Variants in MGAT4C observed in about 807,000 individuals in gnomAD.
MGAT4C encodes MGAT4 family member C, also known as alpha-1,3-mannosyl-glycoprotein 4-beta-N-acetylglucosaminyltransferase C.
In MGAT4C, 19 loss-of-function variants were observed where a neutral mutation model predicts 40.1. The ratio of observed to expected loss-of-function variants is 0.47; its 90% CI spans 0.33 to 0.70. The LOEUF is 0.70. Among genes scored for constraint, MGAT4C ranks in the 30% least tolerant of loss-of-function variants. The pLI is 0.02. For synonymous variants in MGAT4C, 181 were observed against 187.1 expected, an observed-to-expected ratio of 0.97 and a Z score of 0.27; for missense variants, 491 against 563.2, an observed-to-expected ratio of 0.87 and a Z score of 1.30.
intron 4 of MGAT4C, among the ~76,000 whole-genome samples, chr12:86,302,331 C>A (rs1427322360): frequency 6.6e-6 from 1 of 150,648 alleles, no homozygotes; most frequent in Non-Finnish European, 1.5e-5. Flanking sequence ...CTCTATTGTA[C>A]AAGAATCCAT....
intron 2 of MGAT4C, among the ~76,000 whole-genome samples, chr12:86,715,433 T>C (rs1950629073): frequency 6.6e-6 from 1 of 152,104 alleles, no homozygotes; most frequent in Admixed American, 6.6e-5. Context: ...ATCTGGGTGC[T>C]GATTATATTA....
At chr12:85,990,727 T>C (rs1355719798) in intron 2 of MGAT4C, among the ~76,000 whole-genome samples, 6 of 152,206 alleles carry the variant, frequency 3.9e-5, no homozygotes, top group Non-Finnish European at 8.8e-5. Context: ...AAAAGAATTA[T>C]GAAAGTGCTA....
At chr12:86,344,850 T>C (rs1954993476) in intron 3 of MGAT4C, among the ~76,000 whole-genome samples, 2 of 151,900 alleles carry the variant, frequency 1.3e-5, no homozygotes, top group Non-Finnish European at 2.9e-5. Flanking sequence ...CATTAATACA[T>C]GTGACATATT....
chr12:86,612,468 G>A (rs540615686), intron 2 of MGAT4C, among the ~76,000 whole-genome samples: 1 of 152,040 alleles, frequency 6.6e-6, no homozygotes, highest in African/African-American at 2.4e-5. Flanking sequence ...AGTAGATGTG[G>A]GCCAGGCGCG....
chr12:86,170,825 C>T lies in MGAT4C; in HGVS notation c.-57+85414G>A, dbSNP rs565777329. 2.6e-5 allele frequency among the ~76,000 whole-genome samples: 4 copies of T among 151,878 alleles called. No homozygotes were observed. In the South Asian group the frequency reaches 6.2e-4, roughly 24 times the overall value. ...AAAAATAGCTGGGCATGTTAGTGTGCGCCTGGAGTCCGAGCTACTAGAGAG... is the reference window on the plus strand; with the variant it reads ...AAAAATAGCTGGGCATGTTAGTGTGTGCCTGGAGTCCGAGCTACTAGAGAG... On this transcript the variant is annotated intron_variant, in intron 1 of 4. Transcript: ENST00000611864.
At chr12:86,405,687 A>C (rs375977714) in intron 3 of MGAT4C, among the ~76,000 whole-genome samples, 60 of 151,836 alleles carry the variant, frequency 4.0e-4, no homozygotes, top group African/African-American at 1.3e-3. Context: ...AATAGGTAGA[A>C]TCAGTCTAAC....
rs764027512 is a variant in MGAT4C at position 85,983,660 on chromosome 12, T to C, written c.158A>G (p.Lys53Arg). Residue 53 changes from lysine to arginine, a missense_variant, in exon 4 of 5, where the codon AAA becomes AGA. Coordinates refer to ENST00000611864, the MANE Select transcript of MGAT4C (RefSeq NM_001351288.2). ...TGTGGATGTTTCCCTTATAAGTTGT[T>C]TGTCTCCTTCCTAAATACCAAGAAA... ...IEDSYVLEGD[K>R]QLIRETSTHQ... 6.3e-7 allele frequency: 1 copy of C among 1,576,966 alleles called. No homozygotes were observed. The highest frequency in any genetic ancestry group is 8.6e-7 in the Non-Finnish European group (1 of 1,164,274).
chr12:86,284,696 T>C (rs962519423), intron 4 of MGAT4C, among the ~76,000 whole-genome samples: 5 of 152,110 alleles, frequency 3.3e-5, no homozygotes, highest in Admixed American at 3.3e-4. Flanking sequence ...ACATAAACCA[T>C]GTAAGTGTAC....
chr12:86,224,994 A>T (rs1951021812), intron 1 of MGAT4C, among the ~76,000 whole-genome samples: 1 of 152,102 alleles, frequency 6.6e-6, no homozygotes, highest in Admixed American at 6.5e-5. Flanking sequence ...GATCATAAAA[A>T]TGAAAAGTTG....
intron 1 of MGAT4C, among the ~76,000 whole-genome samples, chr12:86,781,880 T>C (rs1010161700): frequency 2.6e-5 from 4 of 152,206 alleles, no homozygotes; most frequent in African/African-American, 9.6e-5. Context: ...TGTCTAGCAC[T>C]CTTAAAGTGT....
chr12:86,355,385 A>G (rs1955286759), intron 3 of MGAT4C, among the ~76,000 whole-genome samples: 1 of 152,230 alleles, frequency 6.6e-6, no homozygotes, highest in African/African-American at 2.4e-5. Context: ...TCAAAAAATA[A>G]TATTTGAAGA....
chr12:86,588,623 C>G (rs1961175149), intron 2 of MGAT4C, among the ~76,000 whole-genome samples: 1 of 151,994 alleles, frequency 6.6e-6, no homozygotes, highest in Non-Finnish European at 1.5e-5. Context: ...CACACCACAC[C>G]TATTCCAAAA....
intron 2 of MGAT4C, among the ~76,000 whole-genome samples, chr12:86,642,827 A>G (rs1963429843): frequency 6.6e-6 from 1 of 151,652 alleles, no homozygotes; most frequent in Non-Finnish European, 1.5e-5. Context: ...TCTATGTGAT[A>G]CCACATATAC....
At chr12:86,282,957 A>G (rs946743833) in intron 4 of MGAT4C, among the ~76,000 whole-genome samples, 1 of 152,182 alleles carries the variant, frequency 6.6e-6, no homozygotes, top group South Asian at 2.1e-4. Context: ...GATCAAAGCT[A>G]CTCAGTATTT....
intron 1 of MGAT4C, among the ~76,000 whole-genome samples, chr12:86,836,839 T>A (rs1029304874): frequency 6.6e-6 from 1 of 152,156 alleles, no homozygotes; most frequent in African/African-American, 2.4e-5. Context: ...GGTATCATCA[T>A]TGGTATGATT....
At chr12:86,591,080 T>G (rs555758535) in intron 2 of MGAT4C, among the ~76,000 whole-genome samples, 4 of 152,152 alleles carry the variant, frequency 2.6e-5, no homozygotes, top group African/African-American at 9.6e-5. Flanking sequence ...AAAATAGGGA[T>G]GGAGAGGTGG....
At position 86,170,479 on chromosome 12, in the gene MGAT4C, T is replaced by C. The variant is rs974228897; in HGVS notation, c.-57+85760A>G. On this transcript the variant is annotated intron_variant, in intron 1 of 4. Coordinates refer to ENST00000611864, the MANE Select transcript of MGAT4C (RefSeq NM_001351288.2). ...TAGCGACTATTTACTGTTTAAATTA[T>C]CTATGTATAATGTTATGCATTAGTA... 2.6e-5 allele frequency among the ~76,000 whole-genome samples: 4 copies of C among 152,326 alleles called. No homozygotes were observed. The East Asian group carries it at 5.8e-4, about 22-fold the overall frequency.
chr12:86,757,744 C>T (rs1337426740), intron 1 of MGAT4C, among the ~76,000 whole-genome samples: 1 of 152,146 alleles, frequency 6.6e-6, no homozygotes, highest in Non-Finnish European at 1.5e-5. Flanking sequence ...CCCAACAATA[C>T]AGTAGAAACC....
intron 3 of MGAT4C, among the ~76,000 whole-genome samples, chr12:86,429,860 C>T (rs866929177): frequency 5.3e-5 from 8 of 152,058 alleles, no homozygotes; most frequent in Non-Finnish European, 1.0e-4. Flanking sequence ...TCTTTAAATA[C>T]GTTTTCTGGC....
Sources: gnomAD v4.1 joint callset for allele counts (sites outside exome capture counted in the v4.1 genomes callset) on GRCh38, gnomAD v4.1.1 for gene constraint, MANE v1.5 for transcripts, NCBI Gene and HGNC (gene_info 2026-07-23, HGNC 2026-07-21) for gene names.